The following CCL8 variants were observed in gnomAD, a reference collection of about 807,000 sequenced individuals.
CCL8 encodes C-C motif chemokine 8.
CCL8 carries 3 observed loss-of-function variants against 6.6 expected under a neutral mutation model. That is an observed-to-expected ratio of 0.45 (90% CI 0.21 to 1.17). The LOEUF (loss-of-function observed/expected upper bound fraction) is 1.17. Ranked by LOEUF, CCL8 falls within the 50% of genes most tolerant of loss-of-function variation. The pLI is 0.24. For synonymous variants in CCL8, 49 were observed against 41.8 expected (o/e 1.17, Z -0.67); for missense variants, 127 against 118.1 (o/e 1.08, Z -0.35).
rs200602745 is a variant in CCL8, at chr17:34,319,443, T to C, written c.-59T>C. ...CAGAGCCACCGAGGAGCAGAGAGGTTGAGAACAACCCAGAAACCTTCACCT... is the reference window on the plus strand; with the variant it reads ...CAGAGCCACCGAGGAGCAGAGAGGTCGAGAACAACCCAGAAACCTTCACCT... On this transcript the variant is annotated 5_prime_UTR_variant, in exon 1 of 3. Transcript: ENST00000394620. The C allele has an allele frequency of 6.7e-7, 1 of 1,499,218 alleles. No homozygotes were observed. Among genetic ancestry groups the C allele is most frequent in the Non-Finnish European group, 9.3e-7 (1 of 1,077,638 alleles). The allele number at this position is 1,499,218 out of a possible 1,614,324, so 92.9% of individuals were successfully genotyped here. A position where few individuals can be genotyped will look rare whatever the true frequency, so the allele number is the denominator to read the frequency against.
chr17:34,319,813 G>T (rs542513037), intron 1 of CCL8, among the ~76,000 whole-genome samples: 7 of 152,264 alleles, frequency 4.6e-5, no homozygotes, highest in African/African-American at 1.7e-4. Flanking sequence ...GGGTGTAAAG[G>T]ACATTTCAGG....
rs1184122497 is a variant in CCL8 at position 34,321,049 on chromosome 17, T to C, written c.*142T>C. 2 of 566,940 alleles carry C rather than the reference T, an allele frequency of 3.5e-6. No individual in the cohort carries two copies. The highest frequency in any genetic ancestry group is 2.6e-5 in the South Asian group (1 of 38,688). 35.1% of individuals were successfully genotyped at this position (566,940 alleles called of 1,614,324 possible). A position where few individuals can be genotyped will look rare whatever the true frequency, so the allele number is the denominator to read the frequency against. ...TAAATAATTTAAAGCATAATATTTC[T>C]TAAAAAGTATTTAATTATATTTAAG... On this transcript the variant is annotated 3_prime_UTR_variant, in exon 3 of 3. Transcript: ENST00000394620.
chr17:34,320,873 A>G lies in CCL8; in HGVS notation c.266A>G (p.His89Arg). 1 of 1,610,928 alleles carries G rather than the reference A, an allele frequency of 6.2e-7. No individual in the cohort carries two copies. Among genetic ancestry groups the G allele is most frequent in the Non-Finnish European group, 8.5e-7 (1 of 1,178,554 alleles). Reference protein sequence around the residue: ...KERWVRDSMKHLDQIFQNLKP With the variant: ...KERWVRDSMKRLDQIFQNLKP ...AGATGGGTCAGGGATTCCATGAAGC[A>G]TCTGGACCAAATATTTCAAAATCTG... The change falls in exon 3 of 3, where the codon CAT (histidine) becomes CGT (arginine). Residue 89 changes from histidine to arginine, a missense_variant. Physicochemically the swap from His to Arg is conservative, Grantham distance 29. Coordinates refer to ENST00000394620, the MANE Select transcript of CCL8 (RefSeq NM_005623.3).
Position 34,320,255 on chromosome 17 carries a change from A to G in CCL8, c.77-14A>G. ...GGGTCCTAAATGTCTCATTCTTTGC[A>G]AAATTTCTTTCAGATTCAGTTTCCA... On this transcript the variant is annotated splice_polypyrimidine_tract_variant and intron_variant, in intron 1 of 2. Coordinates refer to ENST00000394620, the MANE Select transcript of CCL8 (RefSeq NM_005623.3). 1 of 1,575,490 alleles carries G rather than the reference A, an allele frequency of 6.3e-7. No homozygotes were observed. Among genetic ancestry groups the G allele is most frequent in the Non-Finnish European group, 8.7e-7 (1 of 1,145,066 alleles).
chr17:34,319,469 C>T lies in CCL8; in HGVS notation c.-33C>T, dbSNP rs779943250. 2.5e-6 allele frequency: 4 copies of T among 1,603,708 alleles called. No individual in the cohort carries two copies. Among genetic ancestry groups the T allele is most frequent in the Admixed American group, 1.7e-5 (1 of 59,960 alleles). On this transcript the variant is annotated 5_prime_UTR_variant, in exon 1 of 3. Transcript: ENST00000394620. ...GAGAACAACCCAGAAACCTTCACCT[C>T]TCATGCTGAAGCTCACACCCTTGCC...
At chr17:34,319,847 T>C (rs1909468012) in intron 1 of CCL8, among the ~76,000 whole-genome samples, 1 of 152,198 alleles carries the variant, frequency 6.6e-6, no homozygotes, top group African/African-American at 2.4e-5. Context: ...GGAGAAACTA[T>C]TGCCTGAAGC....
At chr17:34,320,214 A>G in intron 1 of CCL8, 55 bp from the exon 2 acceptor site, 1 of 1,064,046 alleles carries the variant, frequency 9.4e-7, no homozygotes, top group South Asian at 1.3e-5. Context: ...TTTCCTTACA[A>G]ATGCACACTT....
intron 1 of CCL8, 103 bp downstream of exon 1, chr17:34,319,680 C>G: frequency 1.2e-6 from 1 of 867,418 alleles, no homozygotes; most frequent in Non-Finnish European, 1.8e-6. Context: ...GCTCAGGTCA[C>G]TGAGGCTGGT....
chr17:34,320,232 G>T (rs199777467), intron 1 of CCL8, 37 bp from the exon 2 acceptor site: 3 of 1,234,214 alleles, frequency 2.4e-6, no homozygotes, highest in Non-Finnish European at 3.6e-6. Flanking sequence ...CTTACGGTGG[G>T]TCCTAAATGT....
At position 34,319,589 on chromosome 17, in the gene CCL8, C is replaced by T; in HGVS notation, c.76+12C>T. ...ACTTGCTCAGCCAGGTAAGACCTCT[C>T]CCTTTTTAAGGGGAGACCAAAAGAG... On this transcript the variant is annotated intron_variant, in intron 1 of 2. Coordinates refer to ENST00000394620, the MANE Select transcript of CCL8 (RefSeq NM_005623.3). The T allele has an allele frequency of 6.2e-7, 1 of 1,605,824 alleles. No homozygotes were observed. The highest frequency in any genetic ancestry group is 8.5e-7 in the Non-Finnish European group (1 of 1,173,164).
chr17:34,320,785 C>G lies in CCL8; in HGVS notation c.195-17C>G. On this transcript the variant is annotated splice_polypyrimidine_tract_variant and intron_variant, in intron 2 of 2. Coordinates refer to ENST00000394620, the MANE Select transcript of CCL8 (RefSeq NM_005623.3). ...CTTCAAAGTCTTCCATCTAATTGTG[C>G]CCTCTCTCCCCCACAGCTTCAAGAC... 6.6e-7 allele frequency: 1 copy of G among 1,505,874 alleles called. No homozygotes were observed. Among genetic ancestry groups the G allele is most frequent in the Non-Finnish European group, 9.2e-7 (1 of 1,092,856 alleles). The allele number at this position is 1,505,874 out of a possible 1,614,324, so 93.3% of individuals were successfully genotyped here. A position where few individuals can be genotyped will look rare whatever the true frequency, so the allele number is the denominator to read the frequency against.
rs1000956357 is a variant in CCL8 at position 34,321,183 on chromosome 17, G to A, written c.*276G>A. 9 of 328,046 alleles carry A rather than the reference G, an allele frequency of 2.7e-5. No homozygotes were observed. Among genetic ancestry groups the A allele is most frequent in the Non-Finnish European group, 4.9e-5 (9 of 182,818 alleles). 20.3% of individuals were successfully genotyped at this position (328,046 alleles called of 1,614,324 possible). A position where few individuals can be genotyped will look rare whatever the true frequency, so the allele number is the denominator to read the frequency against. On this transcript the variant is annotated 3_prime_UTR_variant, in exon 3 of 3. Coordinates refer to ENST00000394620, the MANE Select transcript of CCL8 (RefSeq NM_005623.3). ...TTCCTGTGAGCTCAACTAAGTTCAC[G>A]GCAAAATGTCATTGTTCTCCCTCCT...
chr17:34,319,615 G>A (rs1185724949), intron 1 of CCL8, 38 bp downstream of exon 1: 3 of 1,454,934 alleles, frequency 2.1e-6, no homozygotes, highest in East Asian at 2.3e-5. Context: ...ACCAAAAGAG[G>A]AATTAAGAAG....
In CCL8 at chr17:34,320,357, C is replaced by T. The variant is rs1172168080; in HGVS notation, c.165C>T (p.Thr55=). Residue 55 remains threonine, a synonymous_variant, in exon 2 of 3, where the codon ACC becomes ACT. Coordinates refer to ENST00000394620, the MANE Select transcript of CCL8 (RefSeq NM_005623.3). Reference sequence around the variant, plus strand: ...GGCTGGAGAGCTACACAAGAATCACCAACATCCAATGTCCCAAGGAAGCTG... The same window carrying T: ...GGCTGGAGAGCTACACAAGAATCACTAACATCCAATGTCCCAAGGAAGCTG... ...IQRLESYTRI[T]NIQCPKEAVI... is the part of the protein sequence containing the mutation. 1.2e-6 allele frequency: 2 copies of T among 1,612,332 alleles called. No homozygotes were observed. Among genetic ancestry groups the T allele is most frequent in the Admixed American group, 3.3e-5 (2 of 59,964 alleles).
Position 34,320,793 on chromosome 17 carries a change from C to G in CCL8, c.195-9C>G, listed in dbSNP as rs201499299. 5.3e-5 allele frequency: 83 copies of G among 1,565,768 alleles called. No homozygotes were observed. Among genetic ancestry groups the G allele is most frequent in the Middle Eastern group, 5.0e-4 (3 of 5,958 alleles). On this transcript the variant is annotated splice_polypyrimidine_tract_variant and intron_variant, in intron 2 of 2. Transcript: ENST00000394620. Reference sequence around the variant, plus strand: ...TCTTCCATCTAATTGTGCCCTCTCTCCCCCACAGCTTCAAGACCAAACGGG... The same window carrying G: ...TCTTCCATCTAATTGTGCCCTCTCTGCCCCACAGCTTCAAGACCAAACGGG...
Position 34,320,967 on chromosome 17 carries a change from C to T in CCL8, c.*60C>T, listed in dbSNP as rs959210837. ...GAAAAGCTTATTTATTTTCCCCAAC[C>T]TCCCCCAGGTGCAGTGTGACATTAT... On this transcript the variant is annotated 3_prime_UTR_variant, in exon 3 of 3. Transcript: ENST00000394620. 3 of 987,592 alleles carry T rather than the reference C, an allele frequency of 3.0e-6. No individual in the cohort carries two copies. The highest frequency in any genetic ancestry group is 3.3e-5 in the African/African-American group (2 of 60,712). The allele number at this position is 987,592 out of a possible 1,614,324, so 61.2% of individuals were successfully genotyped here.
intron 2 of CCL8, 122 bp downstream of exon 2, chr17:34,320,508 A>G: frequency 1.4e-6 from 1 of 695,294 alleles, no homozygotes; most frequent in Middle Eastern, 2.5e-4. Flanking sequence ...CCTCTACCCC[A>G]TAGAGAAACT....
At position 34,320,798 on chromosome 17, in the gene CCL8, A is replaced by T. The variant is rs1371636141; in HGVS notation, c.195-4A>T. The T allele has an allele frequency of 1.3e-6, 2 of 1,589,604 alleles. No homozygotes were observed. Among genetic ancestry groups the T allele is most frequent in the South Asian group, 2.3e-5 (2 of 88,444 alleles). On this transcript the variant is annotated splice_region_variant and splice_polypyrimidine_tract_variant and intron_variant, in intron 2 of 2. Transcript: ENST00000394620. The stretch of plus-strand genomic sequence containing the variant: ...CATCTAATTGTGCCCTCTCTCCCCC[A>T]CAGCTTCAAGACCAAACGGGGCAAG...
Position 34,320,361 on chromosome 17 carries a change from A to T in CCL8, c.169A>T (p.Ile57Phe). ...GGAGAGCTACACAAGAATCACCAAC[A>T]TCCAATGTCCCAAGGAAGCTGTGAT... ...RLESYTRITN[I>F]QCPKEAVIFK... The change falls in exon 2 of 3, where the codon ATC becomes TTC. Residue 57 changes from isoleucine (I) to phenylalanine (F), a missense_variant. Physicochemically the swap from Ile to Phe is conservative, Grantham distance 21. Coordinates refer to ENST00000394620, the MANE Select transcript of CCL8 (RefSeq NM_005623.3). 1 of 1,612,352 alleles carries T rather than the reference A, an allele frequency of 6.2e-7. No individual in the cohort carries two copies. Among genetic ancestry groups the T allele is most frequent in the Non-Finnish European group, 8.5e-7 (1 of 1,178,418 alleles).
Sources: allele counts gnomAD v4.1 joint callset (sites outside exome capture counted in the v4.1 genomes callset), GRCh38; gene constraint gnomAD v4.1.1; transcripts MANE v1.5; gene names NCBI Gene and HGNC (gene_info 2026-07-23, HGNC 2026-07-21).